The following SNX29 variants were observed in gnomAD, a reference collection of about 807,000 sequenced individuals.
SNX29 encodes the protein sorting nexin-29.
In SNX29, 78 loss-of-function variants were observed where a neutral mutation model predicts 102.1. That is an observed-to-expected ratio of 0.76 (90% CI 0.64 to 0.92). SNX29 has a LOEUF of 0.92. Among genes scored for constraint, SNX29 ranks in the 40% least tolerant of loss-of-function variants. SNX29 has a pLI of 0.00. For synonymous variants in SNX29, 580 were observed against 414.5 expected (o/e 1.40, Z -4.85); for missense variants, 1,280 against 1,061.7 (o/e 1.21, Z -2.86).
rs545663874 is a variant in SNX29 at position 12,028,821 on chromosome 16, TCAATG to T, written c.247+1381_247+1385del. On this transcript the variant is annotated intron_variant, in intron 4 of 20. Coordinates refer to ENST00000566228, the MANE Select transcript of SNX29 (RefSeq NM_032167.5). The stretch of plus-strand genomic sequence containing the variant: ...TGGAGTGCAATGGCACCGTCTTGGC[TCAATG>T]CAACCTCCGCTTCCTGGGTTCAGGC... Among the ~76,000 whole-genome samples, 436 of 152,288 alleles carry T rather than the reference TCAATG, an allele frequency of 2.9e-3. 2 individuals are homozygous for T. The highest frequency in any genetic ancestry group is 0.01 in the African/African-American group (423 of 41,550).
At chr16:12,424,194 C>A (rs1345268122) in intron 18 of SNX29, among the ~76,000 whole-genome samples, 1 of 152,220 alleles carries the variant, frequency 6.6e-6, no homozygotes, top group Non-Finnish European at 1.5e-5. Context: ...TTTCTCTTGT[C>A]GATCTCTATC....
At chr16:12,154,168 T>G (rs144630977) in intron 13 of SNX29, among the ~76,000 whole-genome samples, 1 of 152,322 alleles carries the variant, frequency 6.6e-6, no homozygotes, top group East Asian at 1.9e-4. Context: ...TTTTTTCCCT[T>G]TCTTCCTTAA....
chr16:12,023,639 T>C (rs2057098236), intron 3 of SNX29, among the ~76,000 whole-genome samples: 1 of 152,014 alleles, frequency 6.6e-6, no homozygotes, highest in Non-Finnish European at 1.5e-5. Flanking sequence ...TAGTGCTCCT[T>C]TCATTTCGTG....
rs1314744904 is a variant in SNX29 at position 12,051,926 on chromosome 16, G to T, written c.828G>T (p.Gln276His). ...IISFDDEEDEQNSGDVFKKTP... is the reference protein window; with the variant it reads ...IISFDDEEDEHNSGDVFKKTP... ...CATTTGATGATGAGGAAGATGAGCA[G>T]AACTCTGGGGACGTGTTTAAAAAGA... Residue 276 changes from glutamine (Q) to histidine (H), a missense_variant, in exon 8 of 21, where the codon CAG becomes CAT. Coordinates refer to ENST00000566228, the MANE Select transcript of SNX29 (RefSeq NM_032167.5). 6.2e-7 allele frequency: 1 copy of T among 1,613,564 alleles called. No homozygotes were observed. The highest frequency in any genetic ancestry group is 8.5e-7 in the Non-Finnish European group (1 of 1,179,814).
At chr16:12,512,369 A>AATATATATATATATAT (rs58157322) in intron 19 of SNX29, among the ~76,000 whole-genome samples, 30 of 43,902 alleles carry the variant, frequency 6.8e-4, no homozygotes, top group African/African-American at 8.3e-4. Context: ...GCCCAGGGAA[A>AATATATATATATATAT]ATATATATAT....
At chr16:12,136,806 C>T (rs2054680244) in intron 13 of SNX29, among the ~76,000 whole-genome samples, 1 of 152,180 alleles carries the variant, frequency 6.6e-6, no homozygotes, top group African/African-American at 2.4e-5. Flanking sequence ...GTGGTGTGAT[C>T]TCAGCTCACT....
chr16:12,021,844 T>C (rs966954406), intron 3 of SNX29, among the ~76,000 whole-genome samples: 1 of 150,596 alleles, frequency 6.6e-6, no homozygotes, highest in Non-Finnish European at 1.5e-5. Flanking sequence ...TGAGCCGAGA[T>C]CACGTCACTG....
At position 12,570,294 on chromosome 16, in the gene SNX29, G is replaced by A. The variant is rs2079159537; in HGVS notation, c.*1665G>A. The A allele has an allele frequency of 1.9e-6, 2 of 1,054,044 alleles. No individual in the cohort carries two copies. The highest frequency in any genetic ancestry group is 1.2e-6 in the Non-Finnish European group (1 of 869,216). 65.3% of individuals were successfully genotyped at this position (1,054,044 alleles called of 1,614,324 possible). On this transcript the variant is annotated 3_prime_UTR_variant, in exon 21 of 21. Coordinates refer to ENST00000566228, the MANE Select transcript of SNX29 (RefSeq NM_032167.5). ...CGGACCCTGCAGTCAGTTTGCGAGT[G>A]TGGAGGACCCGAGACATCCTGTAAA...
chr16:12,469,197 C>T (rs1385959966), intron 18 of SNX29, among the ~76,000 whole-genome samples: 1 of 152,220 alleles, frequency 6.6e-6, no homozygotes, highest in Non-Finnish European at 1.5e-5. Flanking sequence ...GCCTCATTTA[C>T]ATAACCCAGT....
rs137964461 is a variant in SNX29, at chr16:12,289,979, C to T, written c.1782+11943C>T. Among the ~76,000 whole-genome samples the T allele has an allele frequency of 5.5e-3, 836 of 152,210 alleles. 5 individuals are homozygous for T. The highest frequency in any genetic ancestry group is 0.01 in the Middle Eastern group (3 of 292). On this transcript the variant is annotated intron_variant, in intron 15 of 20. Transcript: ENST00000566228. ...GGCAACATAAAGGGCTCGTCACTGG[C>T]AGTGTGGAGCTGGAGAAACGGGATA...
At chr16:12,249,649 C>T (rs2099657133) in intron 14 of SNX29, among the ~76,000 whole-genome samples, 1 of 152,192 alleles carries the variant, frequency 6.6e-6, no homozygotes, top group Non-Finnish European at 1.5e-5. Flanking sequence ...AGGGAAATTG[C>T]TGAGCTTTTC....
chr16:12,195,043 C>T (rs1328148468), intron 13 of SNX29, among the ~76,000 whole-genome samples: 7 of 152,110 alleles, frequency 4.6e-5, no homozygotes, highest in South Asian at 4.1e-4. Flanking sequence ...GCACTGTTAA[C>T]GTTGTGGTCT....
intron 13 of SNX29, among the ~76,000 whole-genome samples, chr16:12,141,392 G>A (rs775322856): frequency 5.9e-5 from 9 of 152,238 alleles, no homozygotes; most frequent in Non-Finnish European, 1.3e-4. Context: ...CAGATCCCAA[G>A]AGAGGGTTGT....
At chr16:12,506,986 T>C (rs956898527) in intron 19 of SNX29, among the ~76,000 whole-genome samples, 1 of 152,238 alleles carries the variant, frequency 6.6e-6, no homozygotes, top group African/African-American at 2.4e-5. Flanking sequence ...TCTTGTATGC[T>C]TATCTTGTGG....
intron 16 of SNX29, chr16:12,375,219 A>G (rs763075109): frequency 1.3e-5 from 2 of 152,216 alleles, no homozygotes; most frequent in African/African-American, 2.4e-5. Flanking sequence ...TTTGGCGCCC[A>G]TAGACTCATT....
Position 12,242,539 on chromosome 16 carries a change from G to T in SNX29, c.1679-35394G>T, listed in dbSNP as rs140732430. Among the ~76,000 whole-genome samples, 405 of 149,802 alleles carry T rather than the reference G, an allele frequency of 2.7e-3. 5 individuals are homozygous for T. Among genetic ancestry groups the T allele is most frequent in the African/African-American group, 9.4e-3 (372 of 39,728 alleles). ...CTAGAGAAGAGCATCCCTCCCAGGG[G>T]TTCAGCTGTGTCTGATTTGGCCGGC... On this transcript the variant is annotated intron_variant, in intron 14 of 20. Transcript: ENST00000566228.
chr16:12,101,917 G>GC (rs1456610582), intron 11 of SNX29, among the ~76,000 whole-genome samples: 1 of 151,848 alleles, frequency 6.6e-6, no homozygotes, highest in African/African-American at 2.4e-5. Context: ...CCCTCCCCTA[G>GC]CCCCCTACCC....
intron 11 of SNX29, among the ~76,000 whole-genome samples, chr16:12,114,706 C>T (rs1238918191): frequency 1.3e-5 from 2 of 152,072 alleles, no homozygotes; most frequent in Non-Finnish European, 2.9e-5. Flanking sequence ...CCTGCCTCAG[C>T]CTCCCGAGTA....
chr16:12,093,152 C>G (rs1041139086), intron 11 of SNX29, among the ~76,000 whole-genome samples: 2 of 152,216 alleles, frequency 1.3e-5, no homozygotes, highest in Admixed American at 6.5e-5. Flanking sequence ...TACATTGCCA[C>G]TGTATATCAT....
Sources: gnomAD v4.1 joint callset for allele counts (sites outside exome capture counted in the v4.1 genomes callset) on GRCh38, gnomAD v4.1.1 for gene constraint, MANE v1.5 for transcripts, NCBI Gene and HGNC (gene_info 2026-07-23, HGNC 2026-07-21) for gene names.